The following MPPED1 variants were observed in gnomAD, a reference collection of about 807,000 sequenced individuals.
The protein encoded by MPPED1 is metallophosphoesterase domain containing 1.
In MPPED1, 16 loss-of-function variants were observed where a neutral mutation model predicts 36.2. That is an observed-to-expected ratio of 0.44 (90% confidence interval 0.30 to 0.67). MPPED1 has a LOEUF of 0.67. Among genes scored for constraint, MPPED1 ranks in the 30% least tolerant of loss-of-function variants. The probability of loss-of-function intolerance (pLI) is 0.10; values close to 1 mark genes in which losing one functional copy is unlikely to be tolerated. For missense variants in MPPED1, 307 were observed against 453.4 expected (o/e 0.68, Z 2.93); for synonymous variants, 199 against 191.3 (o/e 1.04, Z -0.33).
intron 1 of MPPED1, 65 bp downstream of exon 1, chr22:43,412,223 G>A: frequency 1.1e-6 from 1 of 903,088 alleles, no homozygotes; most frequent in Non-Finnish European, 1.3e-6. Flanking sequence ...GGCGCGGCCG[G>A]GACCCTCTCC....
chr22:43,439,110 C>T (rs952183549), intron 3 of MPPED1, among the ~76,000 whole-genome samples: 2 of 152,202 alleles, frequency 1.3e-5, no homozygotes, highest in African/African-American at 2.4e-5. Context: ...GGTTAAATTC[C>T]TGCGGACTCT....
intron 3 of MPPED1, among the ~76,000 whole-genome samples, chr22:43,461,061 G>A (rs562721355): frequency 3.7e-4 from 57 of 152,292 alleles, no homozygotes; most frequent in Non-Finnish European, 7.1e-4. Flanking sequence ...CTCTGAGTCA[G>A]GTCAAACAAA....
chr22:43,425,080 T>C lies in MPPED1; in HGVS notation c.95T>C (p.Val32Ala). Residue 32 changes from valine (V) to alanine (A), a missense_variant, in exon 2 of 7, where the codon GTG becomes GCG. By Grantham distance (64) the Val-to-Ala change is moderately conservative. Coordinates refer to ENST00000443721, the MANE Select transcript of MPPED1 (RefSeq NM_001044370.2). ...GGCATGGCATTCTCCCAGTCCCACGTGATGGCCGCTCGGCGGCACCAGCAC... is the reference window on the plus strand; with the variant it reads ...GGCATGGCATTCTCCCAGTCCCACGCGATGGCCGCTCGGCGGCACCAGCAC... ...GLGMAFSQSH[V>A]MAARRHQHSR... 2 of 1,613,692 alleles carry C rather than the reference T, an allele frequency of 1.2e-6. No homozygotes were observed. Among genetic ancestry groups the C allele is most frequent in the Non-Finnish European group, 8.5e-7 (1 of 1,179,868 alleles).
intron 4 of MPPED1, among the ~76,000 whole-genome samples, chr22:43,491,455 TGGTGGTGATGGA>T (rs1446864091): frequency 1.3e-5 from 2 of 151,352 alleles, no homozygotes; most frequent in Non-Finnish European, 2.9e-5. Flanking sequence ...GAGGAGGCGG[TGGTGGTGATGGA>T]GGTGGTGGTG....
chr22:43,424,177 G>A (rs1929373624), intron 1 of MPPED1, among the ~76,000 whole-genome samples: 1 of 152,144 alleles, frequency 6.6e-6, no homozygotes, highest in Non-Finnish European at 1.5e-5. Flanking sequence ...GGGCACATTA[G>A]GGTTCCCGAG....
chr22:43,477,418 C>T (rs138744179), intron 4 of MPPED1, among the ~76,000 whole-genome samples: 4 of 152,180 alleles, frequency 2.6e-5, no homozygotes, highest in African/African-American at 4.8e-5. Flanking sequence ...AGATTGCCTG[C>T]GTCTGCTGCT....
chr22:43,433,029 T>C (rs1032524416), intron 2 of MPPED1, among the ~76,000 whole-genome samples: 5 of 152,012 alleles, frequency 3.3e-5, no homozygotes, highest in Admixed American at 6.5e-5. Context: ...AGTAGCCCAG[T>C]AGCAATTGGC....
chr22:43,432,528 GATAA>G (rs1929749576), intron 2 of MPPED1, among the ~76,000 whole-genome samples: 3 of 110,984 alleles, frequency 2.7e-5, no homozygotes, highest in Non-Finnish European at 1.9e-5. Context: ...GGAGGAGAGA[GATAA>G]AGGGAGGAGA....
At chr22:43,421,238 C>T (rs1363223400) in intron 1 of MPPED1, among the ~76,000 whole-genome samples, 1 of 152,256 alleles carries the variant, frequency 6.6e-6, no homozygotes, top group East Asian at 1.9e-4. Flanking sequence ...CTCGCCTCCT[C>T]GCACGGTGGC....
At position 43,425,111 on chromosome 22, in the gene MPPED1, G is replaced by C. The variant is rs1036985790; in HGVS notation, c.126G>C (p.Arg42=). 6.2e-7 allele frequency: 1 copy of C among 1,613,842 alleles called. No homozygotes were observed. The highest frequency in any genetic ancestry group is 8.5e-7 in the Non-Finnish European group (1 of 1,179,896). The change falls in exon 2 of 7, where the codon CGG becomes CGC. Residue 42 remains arginine (R), a synonymous_variant. Coordinates refer to ENST00000443721, the MANE Select transcript of MPPED1 (RefSeq NM_001044370.2). ...VMAARRHQHS[R]LIIEVDEYSS... Reference sequence around the variant, plus strand: ...CCGCTCGGCGGCACCAGCACAGCCGGCTCATCATCGAGGTGGACGAGTACA... The same window carrying C: ...CCGCTCGGCGGCACCAGCACAGCCGCCTCATCATCGAGGTGGACGAGTACA...
At chr22:43,482,946 G>A (rs185420911) in intron 4 of MPPED1, among the ~76,000 whole-genome samples, 101 of 152,384 alleles carry the variant, frequency 6.6e-4, no homozygotes, top group Middle Eastern at 3.4e-3. Context: ...AGGGGTTGAT[G>A]TGATTGCAGT....
At chr22:43,438,988 G>A (rs1601959401) in intron 3 of MPPED1, among the ~76,000 whole-genome samples, 2 of 152,226 alleles carry the variant, frequency 1.3e-5, no homozygotes, top group African/African-American at 4.8e-5. Flanking sequence ...CTCATGGAAA[G>A]CATTTGAAAT....
chr22:43,479,752 G>T (rs147750459), intron 4 of MPPED1, among the ~76,000 whole-genome samples: 1 of 152,316 alleles, frequency 6.6e-6, no homozygotes, highest in Non-Finnish European at 1.5e-5. Context: ...GATATTGAGG[G>T]CTTTACATAG....
At chr22:43,434,039 C>G (rs1176649878) in intron 2 of MPPED1, among the ~76,000 whole-genome samples, 2 of 152,196 alleles carry the variant, frequency 1.3e-5, no homozygotes, top group Non-Finnish European at 2.9e-5. Context: ...TCTTAGCCCA[C>G]GTCCACATTT....
At chr22:43,425,635 C>T (rs1929441087) in intron 2 of MPPED1, among the ~76,000 whole-genome samples, 2 of 152,238 alleles carry the variant, frequency 1.3e-5, no homozygotes, top group African/African-American at 2.4e-5. Context: ...ATTTACGCTC[C>T]TCATTGTACA....
chr22:43,422,585 C>T (rs956606873), intron 1 of MPPED1, among the ~76,000 whole-genome samples: 1 of 152,176 alleles, frequency 6.6e-6, no homozygotes, highest in Non-Finnish European at 1.5e-5. Context: ...TCTCCAGGGC[C>T]TGTCTGGCAC....
At chr22:43,451,167 C>A (rs1930555092) in intron 3 of MPPED1, among the ~76,000 whole-genome samples, 1 of 151,946 alleles carries the variant, frequency 6.6e-6, no homozygotes, top group Non-Finnish European at 1.5e-5. Context: ...CCACCACACC[C>A]AGTTAATTTT....
intron 3 of MPPED1, 54 bp downstream of exon 3, chr22:43,435,269 C>T (rs560749341): frequency 8.5e-5 from 131 of 1,533,978 alleles, no homozygotes; most frequent in Non-Finnish European, 1.1e-4. Context: ...AGGGGGCTCC[C>T]GCCAGCTCCC....
rs534689473 is a variant in MPPED1 at position 43,473,201 on chromosome 22, C to T, written c.407-1535C>T. Among the ~76,000 whole-genome samples, 1,451 of 152,338 alleles carry T rather than the reference C, an allele frequency of 9.5e-3. 25 individuals are homozygous for T. Among genetic ancestry groups the T allele is most frequent in the African/African-American group, 0.034 (1,396 of 41,562 alleles). On this transcript the variant is annotated intron_variant, in intron 3 of 6. Transcript: ENST00000443721. The stretch of plus-strand genomic sequence containing the variant: ...TGGGCTGCTGTGTTGTCCCAGGGGA[C>T]AGACCACGGTGCCCGTGCTGCTGGG...
Sources: allele counts gnomAD v4.1 joint callset (sites outside exome capture counted in the v4.1 genomes callset), GRCh38; gene constraint gnomAD v4.1.1; transcripts MANE v1.5; gene names NCBI Gene and HGNC (gene_info 2026-07-23, HGNC 2026-07-21).